IGLL5: variants seen among roughly 807,000 people sequenced by gnomAD.
The protein encoded by IGLL5 is immunoglobulin lambda like polypeptide 5.
In IGLL5, 30 loss-of-function variants were observed where a neutral mutation model predicts 20.9. That is an observed-to-expected ratio of 1.44 (90% CI 1.07 to 1.95). The LOEUF (loss-of-function observed/expected upper bound fraction) is 1.95. IGLL5 is among the 30% of genes most tolerant of loss of function. The probability of loss-of-function intolerance (pLI) is 0.00; values close to 1 mark genes in which losing one functional copy is unlikely to be tolerated. For missense variants in IGLL5, 475 were observed against 270.7 expected, an observed-to-expected ratio of 1.75 and a Z score of -5.30; for synonymous variants, 203 against 117.3, an observed-to-expected ratio of 1.73 and a Z score of -4.72.
intron 1 of IGLL5, among the ~76,000 whole-genome samples, chr22:22,889,946 A>G (rs2146001702): frequency 2.0e-5 from 3 of 151,304 alleles, no homozygotes; most frequent in East Asian, 2.0e-4. Context: ...GTCAGAAAAT[A>G]TAGAAAAATG....
intron 1 of IGLL5, among the ~76,000 whole-genome samples, chr22:22,889,362 A>G (rs571392049): frequency 1.3e-5 from 2 of 151,148 alleles, no homozygotes; most frequent in South Asian, 4.2e-4. Flanking sequence ...ATGTATAACC[A>G]TTTTAGCAAC....
intron 2 of IGLL5, among the ~76,000 whole-genome samples, 188 bp downstream of exon 2, chr22:22,894,006 GAGCA>G: frequency 6.7e-6 from 1 of 149,800 alleles, no homozygotes; most frequent in Non-Finnish European, 1.5e-5. Context: ...TCCACAGTGG[GAGCA>G]GCCGGATGCA....
chr22:22,894,392 A>AAG, intron 2 of IGLL5, among the ~76,000 whole-genome samples: 1 of 151,472 alleles, frequency 6.6e-6, no homozygotes, highest in African/African-American at 2.4e-5. Flanking sequence ...CTGGGTCATG[A>AAG]GGACATGGGG....
intron 1 of IGLL5, 133 bp downstream of exon 1, chr22:22,888,392 T>TC: frequency 2.9e-6 from 2 of 689,688 alleles, no homozygotes; most frequent in African/African-American, 3.6e-5. Flanking sequence ...ACACTGGCTT[T>TC]AGTAATGGGT....
chr22:22,890,553 T>TTGTGTGTG (rs3029157), intron 1 of IGLL5, among the ~76,000 whole-genome samples: 139 of 120,976 alleles, frequency 1.1e-3, no homozygotes, highest in African/African-American at 2.5e-3. Context: ...CAGTGGAAAT[T>TTGTGTGTG]TGTGTGTGTG....
At chr22:22,889,799 A>G (rs990576642) in intron 1 of IGLL5, among the ~76,000 whole-genome samples, 3 of 151,330 alleles carry the variant, frequency 2.0e-5, no homozygotes, top group African/African-American at 7.3e-5. Flanking sequence ...GCCTCGCTAT[A>G]TTGCTCAGGC....
chr22:22,894,283 A>C (rs1212299013), intron 2 of IGLL5, among the ~76,000 whole-genome samples: 2 of 151,074 alleles, frequency 1.3e-5, no homozygotes, highest in African/African-American at 4.9e-5. Flanking sequence ...CCAGCCTGGG[A>C]GGGCCACACG....
chr22:22,889,478 A>T (rs184689653), intron 1 of IGLL5, among the ~76,000 whole-genome samples: 1 of 151,348 alleles, frequency 6.6e-6, no homozygotes, highest in African/African-American at 2.4e-5. Flanking sequence ...CTGTAACCAA[A>T]TCTTTATAAC....
In IGLL5 at chr22:22,888,172, G is replaced by A. The variant is rs565314713; in HGVS notation, c.119G>A (p.Arg40His). Residue 40 changes from arginine (R) to histidine (H), a missense_variant, in exon 1 of 3, where the codon CGC becomes CAC. Transcript: ENST00000526893. ...GLAMVAHGLL[R>H]PMVAPQSGDP... Reference sequence around the variant, plus strand: ...GCCATGGTCGCCCATGGCCTGCTGCGCCCAATGGTTGCACCGCAAAGCGGG... The same window carrying A: ...GCCATGGTCGCCCATGGCCTGCTGCACCCAATGGTTGCACCGCAAAGCGGG... 2.5e-4 allele frequency: 393 copies of A among 1,549,092 alleles called. 3 individuals carry two copies. The African/African-American group carries it at 3.8e-3, about 15-fold the overall frequency.
Position 22,895,574 on chromosome 22 carries a change from G to T in IGLL5, c.525G>T (p.Ala175=). 6.2e-7 allele frequency: 1 copy of T among 1,613,174 alleles called. No individual in the cohort carries two copies. Among genetic ancestry groups the T allele is most frequent in the Non-Finnish European group, 8.5e-7 (1 of 1,179,766 alleles). ...KPSKQSNNKY[A]ASSYLSLTPE... is the part of the protein sequence containing the mutation. ...CCAAACAGAGCAACAACAAGTACGC[G>T]GCCAGCAGCTACCTGAGCCTGACGC... The change falls in exon 3 of 3, where the codon GCG becomes GCT. Residue 175 remains alanine (A), a synonymous_variant. Transcript: ENST00000526893.
intron 2 of IGLL5, among the ~76,000 whole-genome samples, chr22:22,894,619 T>C (rs2066674836): frequency 1.3e-5 from 2 of 150,944 alleles, no homozygotes; most frequent in Middle Eastern, 3.8e-3. Context: ...GAATGAGGGG[T>C]GCAGAGAACT....
chr22:22,889,828 C>G (rs533094680), intron 1 of IGLL5, among the ~76,000 whole-genome samples: 4 of 151,408 alleles, frequency 2.6e-5, no homozygotes, highest in South Asian at 2.1e-4. Context: ...AATTCCTAAG[C>G]TCAAGCAATC....
intron 1 of IGLL5, among the ~76,000 whole-genome samples, chr22:22,889,294 A>C (rs573860649): frequency 2.6e-5 from 4 of 151,098 alleles, no homozygotes; most frequent in East Asian, 4.1e-4. Context: ...ATGAAGTTGA[A>C]GTGAGGGCTG....
At chr22:22,888,315 G>A (rs1569079372) in intron 1 of IGLL5, 56 bp downstream of exon 1, 4 of 1,502,896 alleles carry the variant, frequency 2.7e-6, no homozygotes, top group Admixed American at 2.0e-5. Context: ...GCTGGGAAAG[G>A]GTGACCAAGG....
intron 2 of IGLL5, among the ~76,000 whole-genome samples, chr22:22,894,394 G>A (rs2068026237): frequency 6.6e-6 from 1 of 151,372 alleles, no homozygotes; most frequent in African/African-American, 2.4e-5. Context: ...GGGTCATGAG[G>A]ACATGGGGAC....
At chr22:22,892,398 C>T (rs1438741165) in intron 1 of IGLL5, among the ~76,000 whole-genome samples, 1 of 151,050 alleles carries the variant, frequency 6.6e-6, no homozygotes, top group Non-Finnish European at 1.5e-5. Context: ...TTTGGAAAAA[C>T]CTGAGGATGG....
intron 1 of IGLL5, 139 bp downstream of exon 1, chr22:22,888,398 T>A (rs534280163): frequency 1.0e-5 from 7 of 668,970 alleles, no homozygotes; most frequent in Admixed American, 5.9e-5. Flanking sequence ...GCTTTAGTAA[T>A]GGGTTGATAT....
intron 1 of IGLL5, among the ~76,000 whole-genome samples, chr22:22,890,766 T>C (rs948037256): frequency 2.0e-5 from 3 of 151,222 alleles, no homozygotes; most frequent in African/African-American, 4.8e-5. Context: ...TTCTTACCAA[T>C]AATGCAAAAT....
intron 2 of IGLL5, 97 bp downstream of exon 2, chr22:22,893,915 A>T (rs547759025): frequency 5.8e-6 from 5 of 863,284 alleles, no homozygotes; most frequent in Middle Eastern, 2.2e-4. Context: ...CTGTCCTCCC[A>T]GCCTTAAGCA....
Sources: gnomAD v4.1 joint callset for allele counts (sites outside exome capture counted in the v4.1 genomes callset) on GRCh38, gnomAD v4.1.1 for gene constraint, MANE v1.5 for transcripts, NCBI Gene and HGNC (gene_info 2026-07-23, HGNC 2026-07-21) for gene names.